The following TAF15 variants were observed in gnomAD, a reference collection of about 807,000 sequenced individuals.
TAF15 encodes TATA-binding protein-associated factor 2N.
Under a neutral mutation model 102.5 loss-of-function variants are expected in TAF15, and 37 were observed. That is an observed-to-expected ratio of 0.36 (90% CI 0.28 to 0.47). The LOEUF is 0.47. TAF15 is among the 20% of genes least tolerant of loss of function. TAF15 has a pLI of 0.99. For missense variants in TAF15, 652 were observed against 760.7 expected (o/e 0.86, Z 1.68); for synonymous variants, 273 against 259.2 (o/e 1.05, Z -0.51).
Position 35,820,315 on chromosome 17 carries a change from A to G in TAF15, c.185-17A>G, listed in dbSNP as rs1189184214. 5.6e-6 allele frequency: 9 copies of G among 1,613,332 alleles called. No individual in the cohort carries two copies. The highest frequency in any genetic ancestry group is 1.7e-5 in the Admixed American group (1 of 60,006). ...AATCAGAGCCTTCACTAAATGATAT[A>G]CTCATCTAATCTTTAGGTTATTCAC... On this transcript the variant is annotated splice_polypyrimidine_tract_variant and intron_variant, in intron 4 of 15. Coordinates refer to ENST00000605844, the MANE Select transcript of TAF15 (RefSeq NM_139215.3).
In TAF15 at chr17:35,838,522, T is replaced by A. The variant is rs201907568; in HGVS notation, c.882T>A (p.Pro294=). The A allele has an allele frequency of 6.2e-7, 1 of 1,614,210 alleles. No individual in the cohort carries two copies. Among genetic ancestry groups the A allele is most frequent in the East Asian group, 2.2e-5 (1 of 44,882 alleles). The part of the protein sequence containing the change: ...GEATVSFDDP[P]SAKAAIDWFD... Reference sequence around the variant, plus strand: ...CAACAGTGTCATTTGATGACCCTCCTTCAGCTAAGGCAGCCATTGACTGGT... The same window carrying A: ...CAACAGTGTCATTTGATGACCCTCCATCAGCTAAGGCAGCCATTGACTGGT... Residue 294 remains proline, a synonymous_variant, in exon 11 of 16, where the codon CCT becomes CCA. Coordinates refer to ENST00000605844, the MANE Select transcript of TAF15 (RefSeq NM_139215.3).
chr17:35,825,741 G>A (rs1237767971), intron 7 of TAF15, among the ~76,000 whole-genome samples: 1 of 152,110 alleles, frequency 6.6e-6, no homozygotes, highest in Non-Finnish European at 1.5e-5. Context: ...GAGGTCAGGA[G>A]ATGGAGACCA....
intron 7 of TAF15, 63 bp downstream of exon 7, chr17:35,824,261 G>A: frequency 6.3e-7 from 1 of 1,578,438 alleles, no homozygotes. Context: ...TTTTTAAGGT[G>A]TTACTTGGCT....
chr17:35,814,686 CTA>C (rs1455035826), intron 1 of TAF15, among the ~76,000 whole-genome samples: 2 of 151,852 alleles, frequency 1.3e-5, no homozygotes, highest in Non-Finnish European at 2.9e-5. Context: ...AACTCCATCT[CTA>C]TTAAAAATAC....
At chr17:35,818,365 A>G (rs1400524911) in intron 2 of TAF15, 2 of 153,118 alleles carry the variant, frequency 1.3e-5, no homozygotes, top group Non-Finnish European at 2.9e-5. Flanking sequence ...AAGTGCGGGG[A>G]TTACAGGTGT....
Position 35,847,224 on chromosome 17 carries a change from G to A in TAF15, c.*279G>A. The stretch of plus-strand genomic sequence containing the variant: ...TGTAATACTGCAATAAAGGCTGCTT[G>A]TTTTTGTGGACTTTTGTACATACTA... On this transcript the variant is annotated 3_prime_UTR_variant, in exon 16 of 16. Transcript: ENST00000605844. The A allele has an allele frequency of 1.7e-6, 1 of 598,582 alleles. No homozygotes were observed. Among genetic ancestry groups the A allele is most frequent in the East Asian group, 2.7e-5 (1 of 36,450 alleles). 37.1% of individuals were successfully genotyped at this position (598,582 alleles called of 1,614,324 possible).
intron 7 of TAF15, among the ~76,000 whole-genome samples, chr17:35,828,562 A>G (rs1346413977): frequency 1.3e-5 from 2 of 152,128 alleles, no homozygotes; most frequent in African/African-American, 2.4e-5. Context: ...GTAAGATGTC[A>G]TCTTTTAAAA....
chr17:35,815,250 CTTTAAA>C lies in TAF15; in HGVS notation c.8-2457_8-2452del, dbSNP rs529081724. Among the ~76,000 whole-genome samples the C allele has an allele frequency of 5.2e-3, 794 of 152,290 alleles. 10 individuals are homozygous for C. Among genetic ancestry groups the C allele is most frequent in the Non-Finnish European group, 7.3e-3 (494 of 68,028 alleles). On this transcript the variant is annotated intron_variant, in intron 1 of 15. Transcript: ENST00000605844. ...CTATACACTTGGAAATTCAAAAGCACTTTAAATTTAAATTCGTAGGTCCAGACACAA... is the reference window on the plus strand; with the variant it reads ...CTATACACTTGGAAATTCAAAAGCACTTTAAATTCGTAGGTCCAGACACAA...
chr17:35,815,087 A>G (rs539622434), intron 1 of TAF15, among the ~76,000 whole-genome samples: 75 of 152,328 alleles, frequency 4.9e-4, no homozygotes, highest in African/African-American at 1.7e-3. Context: ...TAGAAAATAC[A>G]TAATTATTTT....
At chr17:35,836,784 CTT>C (rs35144875) in intron 10 of TAF15, among the ~76,000 whole-genome samples, 6 of 145,812 alleles carry the variant, frequency 4.1e-5, no homozygotes, top group Non-Finnish European at 7.6e-5. Flanking sequence ...TGGAATTACT[CTT>C]TTTTTTTTTT....
chr17:35,825,272 T>C (rs910776162), intron 7 of TAF15, among the ~76,000 whole-genome samples: 2 of 152,248 alleles, frequency 1.3e-5, no homozygotes, highest in African/African-American at 2.4e-5. Flanking sequence ...AAAAATGTTA[T>C]AAGACTTGGA....
At chr17:35,841,647 C>T (rs76098152) in intron 11 of TAF15, among the ~76,000 whole-genome samples, 13,740 of 151,424 alleles carry the variant, frequency 0.091, 945 homozygotes, top group African/African-American at 0.19. Flanking sequence ...CCAAGCTTTC[C>T]TTGGCCTCCC....
At position 35,830,774 on chromosome 17, in the gene TAF15, C is replaced by T. The variant is rs78126032; in HGVS notation, c.606-3133C>T. ...TAGACTTAAATGTGCATATGAATTACTTGGGGGATCTTATTAAATGCAGGT... is the reference window on the plus strand; with the variant it reads ...TAGACTTAAATGTGCATATGAATTATTTGGGGGATCTTATTAAATGCAGGT... On this transcript the variant is annotated intron_variant, in intron 7 of 15. Transcript: ENST00000605844. Among the ~76,000 whole-genome samples, 202 of 152,262 alleles carry T rather than the reference C, an allele frequency of 1.3e-3. 2 individuals are homozygous for T. In the East Asian group the frequency reaches 0.038, roughly 29 times the overall value.
intron 1 of TAF15, among the ~76,000 whole-genome samples, chr17:35,813,945 TAGAG>T (rs962846302): frequency 3.9e-5 from 6 of 152,160 alleles, no homozygotes; most frequent in Non-Finnish European, 5.9e-5. Flanking sequence ...CATTAGAGTT[TAGAG>T]AGAAAGTAAC....
chr17:35,834,799 GC>G (rs1420344456), intron 9 of TAF15, among the ~76,000 whole-genome samples: 19 of 138,162 alleles, frequency 1.4e-4, no homozygotes, highest in Non-Finnish European at 2.9e-4. Flanking sequence ...AGGCTGGAGT[GC>G]AGTGGCACAG....
At chr17:35,828,770 A>G (rs2087361912) in intron 7 of TAF15, among the ~76,000 whole-genome samples, 1 of 143,504 alleles carries the variant, frequency 7.0e-6, no homozygotes, top group South Asian at 2.4e-4. Context: ...ATACCTCTTC[A>G]AATGTTTAAA....
chr17:35,811,474 C>CA (rs2087123774), intron 1 of TAF15: 1 of 152,114 alleles, frequency 6.6e-6, no homozygotes, highest in African/African-American at 2.4e-5. Context: ...GCTTGGTATA[C>CA]TATTTATATG....
At chr17:35,824,325 T>C (rs1678137199) in intron 7 of TAF15, 127 bp downstream of exon 7, 2 of 1,286,892 alleles carry the variant, frequency 1.6e-6, no homozygotes, top group Admixed American at 5.1e-5. Flanking sequence ...GGATTATATA[T>C]TGGAGAAAAA....
chr17:35,809,938 C>T (rs2087105461), intron 1 of TAF15: 1 of 434,522 alleles, frequency 2.3e-6, no homozygotes, highest in East Asian at 4.4e-5. Context: ...AGAAGCGGTG[C>T]TTCTGGTTCT....
Sources: allele counts gnomAD v4.1 joint callset (sites outside exome capture counted in the v4.1 genomes callset), GRCh38; gene constraint gnomAD v4.1.1; transcripts MANE v1.5; gene names NCBI Gene and HGNC (gene_info 2026-07-23, HGNC 2026-07-21).